WDPCP: variants seen among roughly 807,000 people sequenced by gnomAD.
WDPCP encodes the protein WD repeat-containing and planar cell polarity effector protein fritz homolog.
Under a neutral mutation model 93.1 loss-of-function variants are expected in WDPCP, and 71 were observed. That is an observed-to-expected ratio of 0.76 (90% CI 0.63 to 0.93). The LOEUF (loss-of-function observed/expected upper bound fraction) is 0.93, where lower values mean the gene tolerates loss of function less well. Among genes scored for constraint, WDPCP ranks in the 40% least tolerant of loss-of-function variants. The pLI is 0.00. For synonymous variants in WDPCP, 315 were observed against 315.0 expected, an observed-to-expected ratio of 1.00 and a Z score of 0.00; for missense variants, 844 against 887.4, an observed-to-expected ratio of 0.95 and a Z score of 0.62.
At chr2:63,281,921 T>C (rs759071190) in intron 13 of WDPCP, among the ~76,000 whole-genome samples, 1 of 152,026 alleles carries the variant, frequency 6.6e-6, no homozygotes, top group Non-Finnish European at 1.5e-5. Flanking sequence ...AAATCACCAC[T>C]AAAGAACTTA....
intron 3 of WDPCP, among the ~76,000 whole-genome samples, chr2:63,609,720 AAAT>A (rs548064848): frequency 3.9e-4 from 59 of 152,194 alleles, no homozygotes; most frequent in Admixed American, 3.9e-3. Flanking sequence ...TAAAAATAAA[AAAT>A]TAGCCAGGCA....
At position 63,121,211 on chromosome 2, in the gene WDPCP, A is replaced by G. The variant is rs1669526943; in HGVS notation, c.*795T>C. Among the ~76,000 whole-genome samples, 1 of 152,036 alleles carries G rather than the reference A, an allele frequency of 6.6e-6. No individual in the cohort carries two copies. The highest frequency in any genetic ancestry group is 6.6e-5 in the Admixed American group (1 of 15,260). On this transcript the variant is annotated 3_prime_UTR_variant, in exon 18 of 18. Transcript: ENST00000272321. Reference sequence around the variant, plus strand: ...AGAGGGAAACAGTATCTGTGTTCTAAGGGGCAGTCAGGGCAAATTACTCAT... The same window carrying G: ...AGAGGGAAACAGTATCTGTGTTCTAGGGGGCAGTCAGGGCAAATTACTCAT...
intron 15 of WDPCP, among the ~76,000 whole-genome samples, chr2:63,158,504 T>C (rs1404615128): frequency 6.6e-6 from 1 of 152,228 alleles, no homozygotes; most frequent in Non-Finnish European, 1.5e-5. Flanking sequence ...CCCTCTGGTA[T>C]CATTTACCTT....
At chr2:63,263,640 C>T (rs1472471228) in intron 13 of WDPCP, among the ~76,000 whole-genome samples, 3 of 152,146 alleles carry the variant, frequency 2.0e-5, no homozygotes. Context: ...CGGATTAAGA[C>T]AACAAATGTC....
rs776267465 is a variant in WDPCP at position 63,486,541 on chromosome 2, C to T, written c.253+1G>A. 15 of 1,570,940 alleles carry T rather than the reference C, an allele frequency of 9.5e-6. No individual in the cohort carries two copies. Among genetic ancestry groups the T allele is most frequent in the Non-Finnish European group, 1.2e-5 (14 of 1,154,892 alleles). On this transcript the variant is annotated splice_donor_variant, in intron 4 of 17. Coordinates refer to ENST00000272321, the MANE Select transcript of WDPCP (RefSeq NM_015910.7). LOFTEE classifies it high-confidence loss of function. ...TTCCAAAAAATATAAAGTAAGCTTA[C>T]ACTCTGCCAGCTTCTGCTTCTTTTC...
At chr2:63,629,945 A>T (rs903249870) in intron 3 of WDPCP, among the ~76,000 whole-genome samples, 8 of 152,380 alleles carry the variant, frequency 5.3e-5, no homozygotes, top group African/African-American at 1.9e-4. Context: ...GAATGAAAAT[A>T]GACAATGAAT....
chr2:63,685,267 G>A (rs1336137574), intron 2 of WDPCP, among the ~76,000 whole-genome samples: 1 of 152,108 alleles, frequency 6.6e-6, no homozygotes, highest in Non-Finnish European at 1.5e-5. Context: ...AGATGAAAAA[G>A]CAGACATTAG....
intron 2 of WDPCP, among the ~76,000 whole-genome samples, chr2:63,662,651 G>GAC (rs1490218410): frequency 6.6e-6 from 1 of 151,790 alleles, no homozygotes; most frequent in Non-Finnish European, 1.5e-5. Flanking sequence ...GAGAGAGAGA[G>GAC]AGAGAGAGAG....
At chr2:63,806,492 C>T (rs558571371) in intron 2 of WDPCP, among the ~76,000 whole-genome samples, 53 of 152,312 alleles carry the variant, frequency 3.5e-4, no homozygotes, top group African/African-American at 1.3e-3. Flanking sequence ...AATGAAGTTT[C>T]GGGCACCATT....
chr2:63,656,480 T>A (rs1254223659), intron 2 of WDPCP, among the ~76,000 whole-genome samples: 1 of 152,196 alleles, frequency 6.6e-6, no homozygotes. Flanking sequence ...CCATGGAAAC[T>A]GACTGGAAGC....
chr2:63,561,172 A>G (rs1706581922), intron 1 of WDPCP, among the ~76,000 whole-genome samples: 1 of 152,152 alleles, frequency 6.6e-6, no homozygotes, highest in African/African-American at 2.4e-5. Context: ...AAGATTTCAC[A>G]ATGAAAATGT....
intron 14 of WDPCP, among the ~76,000 whole-genome samples, chr2:63,243,822 T>C (rs1680056565): frequency 6.6e-6 from 1 of 151,944 alleles, no homozygotes; most frequent in African/African-American, 2.4e-5. Context: ...GGCAGAAAAG[T>C]AACAAAGAAC....
At chr2:63,498,741 A>T (rs1197294572) in intron 1 of WDPCP, among the ~76,000 whole-genome samples, 1 of 152,256 alleles carries the variant, frequency 6.6e-6, no homozygotes, top group Non-Finnish European at 1.5e-5. Context: ...TGGGAAGGAC[A>T]GGAAGCTTGA....
At chr2:63,322,315 A>G (rs563878079) in intron 12 of WDPCP, among the ~76,000 whole-genome samples, 1 of 152,362 alleles carries the variant, frequency 6.6e-6, no homozygotes, top group South Asian at 2.1e-4. Flanking sequence ...AGATAAGGGA[A>G]TAAAAGCAGG....
chr2:63,589,417 C>T (rs1558856028), upstream of WDPCP: 2 of 1,539,596 alleles, frequency 1.3e-6, no homozygotes, highest in Non-Finnish European at 8.8e-7. Flanking sequence ...TGGGTCCTAA[C>T]CCCTTTTTCT....
At chr2:63,140,247 G>T (rs1283643396) in intron 17 of WDPCP, among the ~76,000 whole-genome samples, 2 of 152,132 alleles carry the variant, frequency 1.3e-5, no homozygotes, top group African/African-American at 4.8e-5. Context: ...CAGGTAGTGT[G>T]CTTCCTCTAG....
In WDPCP at chr2:63,153,026, C is replaced by T. The variant is rs1181540781; in HGVS notation, c.2159-81G>A. The T allele has an allele frequency of 3.5e-6, 4 of 1,127,770 alleles. No individual in the cohort carries two copies. In the African/African-American group the frequency reaches 6.3e-5, roughly 18 times the overall value. The allele number at this position is 1,127,770 out of a possible 1,614,324, so 69.9% of individuals were successfully genotyped here. ...GAAAATTTTTTTACAACACTAAAAA[C>T]AGAAATGCTTAAAATAATAACAAGT... On this transcript the variant is annotated intron_variant, in intron 16 of 17. Transcript: ENST00000272321.
At chr2:63,392,899 G>A (rs1693398802) in intron 10 of WDPCP, among the ~76,000 whole-genome samples, 1 of 152,120 alleles carries the variant, frequency 6.6e-6, no homozygotes, top group Non-Finnish European at 1.5e-5. Flanking sequence ...CAGATGCTGT[G>A]GAGGATGTGG....
intron 9 of WDPCP, among the ~76,000 whole-genome samples, chr2:63,426,802 T>C (rs1478192192): frequency 6.6e-6 from 1 of 152,180 alleles, no homozygotes; most frequent in Admixed American, 6.5e-5. Flanking sequence ...CAAGTGTTTA[T>C]TGTCTTTAAG....
Sources: gnomAD v4.1 joint callset for allele counts (sites outside exome capture counted in the v4.1 genomes callset) on GRCh38, gnomAD v4.1.1 for gene constraint, MANE v1.5 for transcripts, NCBI Gene and HGNC (gene_info 2026-07-23, HGNC 2026-07-21) for gene names.